Variants in SNX8 observed in about 807,000 individuals in gnomAD.
SNX8 encodes sorting nexin 8.
In SNX8, 25 loss-of-function variants were observed where a neutral mutation model predicts 51.6. That is an observed-to-expected ratio of 0.48 (90% CI 0.35 to 0.68). The LOEUF is 0.68. Among genes scored for constraint, SNX8 ranks in the 30% least tolerant of loss-of-function variants. The pLI is 0.00. For synonymous variants in SNX8, 324 were observed against 277.0 expected, an observed-to-expected ratio of 1.17 and a Z score of -1.68; for missense variants, 695 against 624.0, an observed-to-expected ratio of 1.11 and a Z score of -1.21.
At chr7:2,285,657 ATACT>A (rs998631630) in intron 1 of SNX8, among the ~76,000 whole-genome samples, 2 of 151,420 alleles carry the variant, frequency 1.3e-5, no homozygotes, top group African/African-American at 4.9e-5. Context: ...TACAGGTCTC[ATACT>A]TTCTTTTTCT....
chr7:2,302,801 C>G (rs1481410511), intron 1 of SNX8, among the ~76,000 whole-genome samples: 3 of 151,260 alleles, frequency 2.0e-5, no homozygotes, highest in African/African-American at 7.3e-5. Context: ...GCGACCTCGT[C>G]TGGGAGGTGA....
intron 1 of SNX8, among the ~76,000 whole-genome samples, chr7:2,304,346 C>G (rs374014971): frequency 6.6e-6 from 1 of 151,300 alleles, no homozygotes; most frequent in South Asian, 2.1e-4. Context: ...AGATAGAGAC[C>G]ATCCTGGCTA....
chr7:2,305,349 A>C (rs1352673215), intron 1 of SNX8, among the ~76,000 whole-genome samples: 1 of 151,956 alleles, frequency 6.6e-6, no homozygotes, highest in East Asian at 1.9e-4. Context: ...TTTTCCCCCA[A>C]CATTTTGTAT....
intron 1 of SNX8, among the ~76,000 whole-genome samples, chr7:2,291,649 C>A (rs1227559746): frequency 1.3e-5 from 2 of 151,970 alleles, no homozygotes; most frequent in Admixed American, 6.6e-5. Context: ...AAGACCCAAC[C>A]CCCTGGTCCT....
intron 1 of SNX8, among the ~76,000 whole-genome samples, chr7:2,321,627 T>C (rs1247180714): frequency 5.3e-5 from 8 of 149,726 alleles, no homozygotes; most frequent in Non-Finnish European, 1.0e-4. Flanking sequence ...AAGGTTTCAC[T>C]GTGGTCTCGA....
intron 1 of SNX8, among the ~76,000 whole-genome samples, chr7:2,295,434 G>A (rs1796250572): frequency 6.7e-6 from 1 of 149,914 alleles, no homozygotes. Flanking sequence ...GCCAGGCACG[G>A]AGGCACACAC....
chr7:2,291,675 C>G (rs560865789), intron 1 of SNX8, among the ~76,000 whole-genome samples: 2 of 152,162 alleles, frequency 1.3e-5, no homozygotes, highest in East Asian at 3.9e-4. Context: ...CTGAGAATTT[C>G]TGAAATCAGT....
intron 1 of SNX8, among the ~76,000 whole-genome samples, chr7:2,291,433 AC>A (rs1209577875): frequency 6.6e-6 from 1 of 152,202 alleles, no homozygotes; most frequent in South Asian, 2.1e-4. Context: ...CCCTGTCTCT[AC>A]TAAAAATACA....
At chr7:2,262,595 T>G (rs893349466) in intron 7 of SNX8, among the ~76,000 whole-genome samples, 1 of 152,040 alleles carries the variant, frequency 6.6e-6, no homozygotes, top group Non-Finnish European at 1.5e-5. Context: ...GACAGCAAAG[T>G]GGGAACTATC....
intron 1 of SNX8, chr7:2,307,666 G>A (rs1796576702): frequency 7.0e-6 from 1 of 143,564 alleles, no homozygotes; most frequent in Non-Finnish European, 1.5e-5. Context: ...AAAGGTGACA[G>A]TGACAATGCT....
rs139470608 is a variant in SNX8, at chr7:2,257,407, G to C, written c.1092C>G (p.Arg364=). Residue 364 remains arginine (R), a synonymous_variant, in exon 9 of 11, where the codon CGC becomes CGG. Transcript: ENST00000222990. ...RQMMSATAQN[R]EPESVEQLES... ...CCAGCTGCTCCACGGACTCCGGCTCGCGGTTCTGCGCGGTGGCGCTCATCA... is the reference window on the plus strand; with the variant it reads ...CCAGCTGCTCCACGGACTCCGGCTCCCGGTTCTGCGCGGTGGCGCTCATCA... 1.6e-5 allele frequency: 25 copies of C among 1,610,370 alleles called. No individual in the cohort carries two copies. In the East Asian group the frequency reaches 4.0e-4, roughly 26 times the overall value.
At chr7:2,313,011 C>A (rs948219946) in intron 1 of SNX8, among the ~76,000 whole-genome samples, 6 of 152,088 alleles carry the variant, frequency 3.9e-5, no homozygotes, top group Non-Finnish European at 4.4e-5. Context: ...CATTCTCCTG[C>A]CTCAGCCTCC....
intron 1 of SNX8, among the ~76,000 whole-genome samples, chr7:2,313,383 G>A (rs1383845947): frequency 6.6e-6 from 1 of 151,714 alleles, no homozygotes; most frequent in African/African-American, 2.4e-5. Context: ...AAATTTAGCC[G>A]AGTGTCATGG....
chr7:2,324,454 C>G (rs2115227982), intron 1 of SNX8, among the ~76,000 whole-genome samples: 1 of 151,952 alleles, frequency 6.6e-6, no homozygotes, highest in African/African-American at 2.4e-5. Flanking sequence ...CCACGCCTGG[C>G]TAATTTTTTG....
chr7:2,255,959 C>A (rs1795167462), intron 10 of SNX8, among the ~76,000 whole-genome samples: 1 of 152,172 alleles, frequency 6.6e-6, no homozygotes, highest in Non-Finnish European at 1.5e-5. Flanking sequence ...AGTCACTGGA[C>A]CACAGCGCAC....
At chr7:2,325,499 G>A (rs1419538087) in intron 1 of SNX8, among the ~76,000 whole-genome samples, 4 of 152,110 alleles carry the variant, frequency 2.6e-5, no homozygotes, top group Non-Finnish European at 4.4e-5. Flanking sequence ...CAATACAGAC[G>A]TTAAAGGTGC....
intron 1 of SNX8, among the ~76,000 whole-genome samples, chr7:2,342,198 TAATA>T (rs532363238): frequency 2.0e-5 from 3 of 150,564 alleles, no homozygotes; most frequent in South Asian, 2.1e-4. Flanking sequence ...TAATAATAAA[TAATA>T]AATAAATAAA....
chr7:2,317,879 C>G (rs896882529), upstream of SNX8, among the ~76,000 whole-genome samples: 3 of 152,102 alleles, frequency 2.0e-5, 1 homozygote, highest in South Asian at 6.2e-4. Context: ...GGACATATAA[C>G]AACTTTCCCT....
upstream of SNX8, among the ~76,000 whole-genome samples, chr7:2,315,747 C>A (rs1394039327): frequency 1.3e-5 from 2 of 149,498 alleles, no homozygotes; most frequent in African/African-American, 5.0e-5. Context: ...TTCACCCACT[C>A]ACTCACTTAC....
Sources: allele counts gnomAD v4.1 joint callset (sites outside exome capture counted in the v4.1 genomes callset), GRCh38; gene constraint gnomAD v4.1.1; transcripts MANE v1.5; gene names NCBI Gene and HGNC (gene_info 2026-07-23, HGNC 2026-07-21).